The following CACNG3 variants were observed in gnomAD, a reference collection of about 807,000 sequenced individuals.
The protein encoded by CACNG3 is calcium voltage-gated channel auxiliary subunit gamma 3.
In CACNG3, 3 loss-of-function variants were observed where a neutral mutation model predicts 28.5. The observed-to-expected ratio is 0.11, with a 90% confidence interval of 0.05 to 0.27. CACNG3 has a LOEUF of 0.27. Ranked by LOEUF, CACNG3 falls within the 10% of genes least tolerant of loss-of-function variation. CACNG3 has a pLI of 1.00. For synonymous variants in CACNG3, 174 were observed against 162.2 expected (o/e 1.07, Z -0.55); for missense variants, 236 against 414.4 (o/e 0.57, Z 3.74).
At chr16:24,310,461 G>A (rs1278330533) in intron 1 of CACNG3, among the ~76,000 whole-genome samples, 1 of 152,182 alleles carries the variant, frequency 6.6e-6, no homozygotes, top group African/African-American at 2.4e-5. Context: ...CTACTTGGGA[G>A]GCTGAGGCAG....
intron 2 of CACNG3, among the ~76,000 whole-genome samples, chr16:24,347,221 G>A (rs1219692609): frequency 6.6e-6 from 1 of 152,166 alleles, no homozygotes; most frequent in Non-Finnish European, 1.5e-5. Flanking sequence ...AGGAGGCTAA[G>A]GTGGGAGGAT....
chr16:24,265,371 AAAG>A (rs1366373383), intron 1 of CACNG3, among the ~76,000 whole-genome samples: 10 of 93,626 alleles, frequency 1.1e-4, no homozygotes, highest in African/African-American at 5.1e-4. Context: ...AAGAAAGAAA[AAAG>A]AAAGAAAGAA....
intron 1 of CACNG3, among the ~76,000 whole-genome samples, chr16:24,325,759 G>C (rs1437534657): frequency 6.6e-6 from 1 of 152,250 alleles, no homozygotes. Context: ...TTGCAGAGCA[G>C]GCATGGAGGC....
At chr16:24,345,613 T>A (rs958431391) in intron 1 of CACNG3, among the ~76,000 whole-genome samples, 2 of 152,098 alleles carry the variant, frequency 1.3e-5, no homozygotes, top group Admixed American at 1.3e-4. Flanking sequence ...GGCAGGATAA[T>A]CTCTTGAACC....
intron 2 of CACNG3, among the ~76,000 whole-genome samples, chr16:24,348,362 G>A (rs79526834): frequency 0.03 from 4,502 of 152,090 alleles, 180 homozygotes; most frequent in African/African-American, 0.092. Flanking sequence ...TGCAGTGATC[G>A]TGCCATTGCA....
intron 1 of CACNG3, among the ~76,000 whole-genome samples, chr16:24,289,668 G>T (rs889932933): frequency 6.6e-5 from 10 of 152,184 alleles, no homozygotes; most frequent in Admixed American, 2.0e-4. Context: ...AGTCCATGAA[G>T]GTACCCCATT....
At chr16:24,318,024 C>G (rs939329830) in intron 1 of CACNG3, among the ~76,000 whole-genome samples, 8 of 152,148 alleles carry the variant, frequency 5.3e-5, no homozygotes, top group African/African-American at 1.9e-4. Context: ...GAGAGGCTTC[C>G]CTGACCTCCC....
intron 1 of CACNG3, among the ~76,000 whole-genome samples, chr16:24,262,644 T>C (rs1312572391): frequency 6.6e-6 from 1 of 152,190 alleles, no homozygotes; most frequent in Non-Finnish European, 1.5e-5. Context: ...TTCATTCTGA[T>C]TGTCTGGTCT....
At chr16:24,311,584 G>A (rs1448160342) in intron 1 of CACNG3, among the ~76,000 whole-genome samples, 1 of 151,858 alleles carries the variant, frequency 6.6e-6, no homozygotes, top group Non-Finnish European at 1.5e-5. Context: ...GGCCTGGCGT[G>A]GTGGCTTACA....
chr16:24,292,779 T>C (rs1391619610), intron 1 of CACNG3, among the ~76,000 whole-genome samples: 2 of 152,214 alleles, frequency 1.3e-5, no homozygotes, highest in African/African-American at 2.4e-5. Flanking sequence ...TTTGAGTCAG[T>C]CCTAAGAAAT....
At chr16:24,315,161 T>G (rs987081021) in intron 1 of CACNG3, among the ~76,000 whole-genome samples, 1 of 152,146 alleles carries the variant, frequency 6.6e-6, no homozygotes, top group Non-Finnish European at 1.5e-5. Context: ...GGAAATCTAT[T>G]AAATCAACAA....
At chr16:24,330,396 C>A (rs544972670) in intron 1 of CACNG3, among the ~76,000 whole-genome samples, 90 of 152,326 alleles carry the variant, frequency 5.9e-4, no homozygotes, top group Non-Finnish European at 1.1e-3. Context: ...CTTGCCTATC[C>A]TCCAGGCAGG....
intron 1 of CACNG3, among the ~76,000 whole-genome samples, chr16:24,268,227 G>C (rs926325887): frequency 6.6e-6 from 1 of 152,114 alleles, no homozygotes; most frequent in African/African-American, 2.4e-5. Flanking sequence ...GCATAAACAG[G>C]CTAAATTGAG....
At chr16:24,346,689 C>T (rs1487038887) in intron 1 of CACNG3, 45 bp from the exon 2 acceptor site, 1 of 1,437,364 alleles carries the variant, frequency 7.0e-7, no homozygotes. Flanking sequence ...GCCCCCAGAG[C>T]TCTGTCTCCT....
intron 1 of CACNG3, among the ~76,000 whole-genome samples, chr16:24,287,731 C>T (rs1898913959): frequency 1.3e-5 from 2 of 152,064 alleles, no homozygotes. Context: ...AATGTCTATG[C>T]CTCTTGGCTT....
chr16:24,286,433 C>CATATATATATATCATAT (rs1898895153), intron 1 of CACNG3, among the ~76,000 whole-genome samples: 2 of 61,196 alleles, frequency 3.3e-5, no homozygotes, highest in Admixed American at 1.4e-4. Context: ...CACACACACA[C>CATATATATATATCATAT]ATATATATAT....
At chr16:24,300,450 A>T (rs1031721993) in intron 1 of CACNG3, among the ~76,000 whole-genome samples, 6 of 152,152 alleles carry the variant, frequency 3.9e-5, no homozygotes, top group African/African-American at 1.4e-4. Flanking sequence ...CTGGGGGGGA[A>T]ACCAGAAATC....
chr16:24,344,296 G>C (rs1049919152), intron 1 of CACNG3, among the ~76,000 whole-genome samples: 1 of 151,938 alleles, frequency 6.6e-6, no homozygotes, highest in Non-Finnish European at 1.5e-5. Flanking sequence ...GCCAGGCCTG[G>C]TGGTCGGGAG....
At chr16:24,339,364 T>C (rs918866066) in intron 1 of CACNG3, among the ~76,000 whole-genome samples, 2 of 151,940 alleles carry the variant, frequency 1.3e-5, no homozygotes, top group Non-Finnish European at 2.9e-5. Flanking sequence ...TTTTCTCAGC[T>C]AATTGCCTTC....
Sources: allele counts gnomAD v4.1 joint callset (sites outside exome capture counted in the v4.1 genomes callset), GRCh38; gene constraint gnomAD v4.1.1; transcripts MANE v1.5; gene names NCBI Gene and HGNC (gene_info 2026-07-23, HGNC 2026-07-21).